The following PRRT1 variants were observed in gnomAD, a reference collection of about 807,000 sequenced individuals.
PRRT1 encodes proline-rich transmembrane protein 1.
A neutral mutation model predicts 22.6 loss-of-function variants in PRRT1; 8 were observed. The ratio of observed to expected loss-of-function variants is 0.35; its 90% CI spans 0.21 to 0.64. The LOEUF (loss-of-function observed/expected upper bound fraction) is 0.64, where lower values mean the gene tolerates loss of function less well. PRRT1 is among the 30% of genes least tolerant of loss of function. The pLI, the probability that PRRT1 is intolerant of heterozygous loss-of-function variation, is 0.69. For missense variants in PRRT1, 315 were observed against 444.5 expected, an observed-to-expected ratio of 0.71 and a Z score of 2.62; for synonymous variants, 176 against 203.6, an observed-to-expected ratio of 0.86 and a Z score of 1.15.
chr6:32,149,291 C>A lies in PRRT1; in HGVS notation c.852G>T (p.Val284=). Residue 284 remains valine (V), a synonymous_variant, in exon 4 of 4, where the codon GTG becomes GTT. Coordinates refer to ENST00000211413, the MANE Select transcript of PRRT1 (RefSeq NM_030651.4). The surrounding 1 kb of genome is among the most constrained non-coding windows in gnomAD (Gnocchi z 8.7). The part of the protein sequence containing the change: ...ISLAVGIAAM[V]LCTILTVVII... Reference sequence around the variant, plus strand: ...TGACTACGGTGAGGATGGTACAGAGCACCATGGCCGCGATGCCCACGGCCA... The same window carrying A: ...TGACTACGGTGAGGATGGTACAGAGAACCATGGCCGCGATGCCCACGGCCA... 1 of 1,611,326 alleles carries A rather than the reference C, an allele frequency of 6.2e-7. No homozygotes were observed.
chr6:32,149,360 G>A lies in PRRT1; in HGVS notation c.783C>T (p.Ala261=). Residue 261 remains alanine, a synonymous_variant, in exon 4 of 4, where the codon GCC becomes GCT. Transcript: ENST00000211413. The surrounding 1 kb of genome is among the most constrained non-coding windows in gnomAD (Gnocchi z 8.7). ...TALARGDMVS[A]EIASREARNF... ...TCCGGGCCTCGCGTGAAGCGATCTC[G>A]GCCGACACCATGTCTCCGCGGGCCA... is the stretch of plus-strand genomic sequence containing the variant. 6.2e-7 allele frequency: 1 copy of A among 1,605,130 alleles called. No homozygotes were observed. Among genetic ancestry groups the A allele is most frequent in the Non-Finnish European group, 8.5e-7 (1 of 1,174,568 alleles).
In PRRT1 at chr6:32,148,579, T is replaced by C; in HGVS notation, c.*643A>G. On this transcript the variant is annotated 3_prime_UTR_variant, in exon 4 of 4. Transcript: ENST00000211413. This position sits in a 1 kb window ranked among gnomAD's most constrained non-coding sequence, Gnocchi z 5.7. ...TTTCTTATCCCAGGGAGAAGGGTCC[T>C]ACACCAGGAACTTCCCAAATGTCCT... 2.9e-6 allele frequency: 1 copy of C among 349,370 alleles called. No homozygotes were observed. The highest frequency in any genetic ancestry group is 5.7e-6 in the Non-Finnish European group (1 of 175,794). 21.6% of individuals were successfully genotyped at this position (349,370 alleles called of 1,614,324 possible).
chr6:32,149,156 C>T lies in PRRT1; in HGVS notation c.*66G>A, dbSNP rs570706929. On this transcript the variant is annotated 3_prime_UTR_variant, in exon 4 of 4. Transcript: ENST00000211413. The surrounding 1 kb of genome is among the most constrained non-coding windows in gnomAD (Gnocchi z 8.7). ...GTGTGCAGGGCGCCCATTGGGTCCG[C>T]GGTATGACTGCAGAAAGAGCCTGGG... is the stretch of plus-strand genomic sequence containing the variant. 41 of 1,555,096 alleles carry T rather than the reference C, an allele frequency of 2.6e-5. No individual in the cohort carries two copies. In the South Asian group the frequency reaches 3.7e-4, roughly 14 times the overall value.
Position 32,149,793 on chromosome 6 carries a change from G to T in PRRT1, c.559-71C>A. On this transcript the variant is annotated intron_variant, in intron 2 of 3. Transcript: ENST00000211413. The surrounding 1 kb of genome is among the most constrained non-coding windows in gnomAD (Gnocchi z 8.7). ...CCCAGCCTACCAGCGTTGGGCGGCT[G>T]GCAGAGTGGCTTTAAAAGCACAATT... 1 of 1,037,460 alleles carries T rather than the reference G, an allele frequency of 9.6e-7. No homozygotes were observed. Among genetic ancestry groups the T allele is most frequent in the Non-Finnish European group, 1.4e-6 (1 of 732,592 alleles). The allele number at this position is 1,037,460 out of a possible 1,614,324, so 64.3% of individuals were successfully genotyped here. A position where few individuals can be genotyped will look rare whatever the true frequency, so the allele number is the denominator to read the frequency against.
In PRRT1 at chr6:32,149,300, C is replaced by T. The variant is rs774291180; in HGVS notation, c.843G>A (p.Ala281=). ...FSFISLAVGI[A]AMVLCTILTV... ...TGAGGATGGTACAGAGCACCATGGC[C>T]GCGATGCCCACGGCCAGGGAGATGA... The change falls in exon 4 of 4, where the codon GCG becomes GCA. Residue 281 remains alanine (A), a synonymous_variant. Coordinates refer to ENST00000211413, the MANE Select transcript of PRRT1 (RefSeq NM_030651.4). The surrounding 1 kb of genome is among the most constrained non-coding windows in gnomAD (Gnocchi z 8.7). 2.5e-6 allele frequency: 4 copies of T among 1,610,954 alleles called. No individual in the cohort carries two copies. The highest frequency in any genetic ancestry group is 2.5e-6 in the Non-Finnish European group (3 of 1,179,258).
In PRRT1 at chr6:32,150,489, A is replaced by C; in HGVS notation, c.437T>G (p.Phe146Cys). Residue 146 changes from phenylalanine to cysteine, a missense_variant, in exon 2 of 4, where the codon TTC becomes TGC. Transcript: ENST00000211413. The surrounding 1 kb of genome is among the most constrained non-coding windows in gnomAD (Gnocchi z 7.2). ...AGTCCCCGCGTGCGTGGGCACCACG[A>C]AGCCAGGGGCCTGGGCAGTCTGGGC... ...APAQTAQAPG[F>C]VVPTHAGTVG... is the part of the protein sequence containing the mutation. The C allele has an allele frequency of 6.8e-7, 1 of 1,479,886 alleles. No homozygotes were observed. The highest frequency in any genetic ancestry group is 8.9e-7 in the Non-Finnish European group (1 of 1,121,926). The allele number at this position is 1,479,886 out of a possible 1,614,324, so 91.7% of individuals were successfully genotyped here. A position where few individuals can be genotyped will look rare whatever the true frequency, so the allele number is the denominator to read the frequency against.
chr6:32,150,280 C>G lies in PRRT1; in HGVS notation c.558+88G>C, dbSNP rs981329928. ...CTACCTGTTCCCTGCCCTTGTTCCT[C>G]TATCCTACCAGCCCCCAGCGTATCC... On this transcript the variant is annotated intron_variant, in intron 2 of 3. Coordinates refer to ENST00000211413, the MANE Select transcript of PRRT1 (RefSeq NM_030651.4). This position sits in a 1 kb window ranked among gnomAD's most constrained non-coding sequence, Gnocchi z 7.2. 1.8e-5 allele frequency: 26 copies of G among 1,463,320 alleles called. No homozygotes were observed. Among genetic ancestry groups the G allele is most frequent in the Non-Finnish European group, 2.2e-5 (25 of 1,112,204 alleles). The allele number at this position is 1,463,320 out of a possible 1,614,324, so 90.6% of individuals were successfully genotyped here.
upstream of PRRT1, chr6:32,152,070 C>G (rs1291708282): frequency 4.3e-6 from 3 of 705,004 alleles, no homozygotes; most frequent in African/African-American, 1.8e-5. Flanking sequence ...TCTCTGCTCT[C>G]GGACCACCTC....
At chr6:32,151,764 T>C in intron 1 of PRRT1, 45 bp downstream of exon 1, 1 of 1,396,252 alleles carries the variant, frequency 7.2e-7, no homozygotes, top group South Asian at 1.2e-5. Flanking sequence ...GGACGGAGAG[T>C]CTGGAGACAG....
At position 32,149,390 on chromosome 6, in the gene PRRT1, C is replaced by T. The variant is rs752862540; in HGVS notation, c.753G>A (p.Thr251=). 19 of 1,599,166 alleles carry T rather than the reference C, an allele frequency of 1.2e-5. 1 individual carries two copies. The highest frequency in any genetic ancestry group is 1.0e-4 in the Admixed American group (6 of 59,396). The change falls in exon 4 of 4, where the codon ACG becomes ACA. Residue 251 remains threonine (T), a synonymous_variant. Coordinates refer to ENST00000211413, the MANE Select transcript of PRRT1 (RefSeq NM_030651.4). This position sits in a 1 kb window ranked among gnomAD's most constrained non-coding sequence, Gnocchi z 8.7. ...IAIFKAVQVR[T]ALARGDMVSA... Reference sequence around the variant, plus strand: ...ACACCATGTCTCCGCGGGCCAAGGCCGTGCGCACCTACGGAGGAGGGGTGG... The same window carrying T: ...ACACCATGTCTCCGCGGGCCAAGGCTGTGCGCACCTACGGAGGAGGGGTGG...
chr6:32,150,692 AGAG>A lies in PRRT1; in HGVS notation c.231_233del (p.Ser78del). ...GGTGGGGGGGCCTCGGCAGCGTGGCAGAGGAGGAGGGACCGCGCTGAGCGGTGG... is the reference window on the plus strand; with the variant it reads ...GGTGGGGGGGCCTCGGCAGCGTGGCAGAGGAGGGACCGCGCTGAGCGGTGG... On this transcript the variant is annotated inframe_deletion, in exon 2 of 4. Transcript: ENST00000211413. The surrounding 1 kb of genome is among the most constrained non-coding windows in gnomAD (Gnocchi z 7.2). The A allele has an allele frequency of 3.5e-6, 5 of 1,438,266 alleles. No homozygotes were observed. In the South Asian group the frequency reaches 4.5e-5, roughly 13 times the overall value. 89.1% of individuals were successfully genotyped at this position (1,438,266 alleles called of 1,614,324 possible).
rs192345287 is a variant in PRRT1, at chr6:32,149,587, T to C, written c.694A>G (p.Ile232Val). 5 of 1,613,016 alleles carry C rather than the reference T, an allele frequency of 3.1e-6. No individual in the cohort carries two copies. The African/African-American group carries it at 5.3e-5, about 17-fold the overall frequency. The change falls in exon 3 of 4, where the codon ATC (isoleucine) becomes GTC (valine). Residue 232 changes from isoleucine to valine, a missense_variant. Physicochemically the swap from Ile to Val is conservative, Grantham distance 29. Transcript: ENST00000211413. This position sits in a 1 kb window ranked among gnomAD's most constrained non-coding sequence, Gnocchi z 8.7. The stretch of plus-strand genomic sequence containing the variant: ...ATGCCAGTAGGCCAGAAGCAACAGA[T>C]GGTGGTCAGCACCGCGATGGGCATG... ...DYMPIAVLTT[I>V]CCFWPTGIIA...
intron 1 of PRRT1, chr6:32,151,318 C>T (rs1029889992): frequency 6.8e-6 from 3 of 443,958 alleles, no homozygotes; most frequent in Non-Finnish European, 1.2e-5. Context: ...TGTATAAACA[C>T]ATGTGGGATG....
rs1307680213 is a variant in PRRT1 at position 32,150,815 on chromosome 6, G to T, written c.111C>A (p.Ala37=). 6.3e-7 allele frequency: 1 copy of T among 1,575,554 alleles called. No individual in the cohort carries two copies. Among genetic ancestry groups the T allele is most frequent in the Non-Finnish European group, 8.6e-7 (1 of 1,162,230 alleles). ...AEPPAPPPQA[A]PSSHHHHHHH... ...GGTGGTGGTGATGGTGTGAGGAAGGGGCTGCCTGTGGCGGTGGGGCTGGGG... is the reference window on the plus strand; with the variant it reads ...GGTGGTGGTGATGGTGTGAGGAAGGTGCTGCCTGTGGCGGTGGGGCTGGGG... Residue 37 remains alanine, a synonymous_variant, in exon 2 of 4, where the codon GCC becomes GCA. Coordinates refer to ENST00000211413, the MANE Select transcript of PRRT1 (RefSeq NM_030651.4). This position sits in a 1 kb window ranked among gnomAD's most constrained non-coding sequence, Gnocchi z 7.2.
intron 1 of PRRT1, 116 bp from the exon 2 acceptor site, chr6:32,151,022 C>A: frequency 1.1e-6 from 1 of 872,570 alleles, no homozygotes; most frequent in Non-Finnish European, 1.8e-6. Context: ...GGGAGAGACA[C>A]ATAGAGAGAG....
At chr6:32,151,951 C>CGCGGGG, upstream of PRRT1, 8 of 214,876 alleles carry the variant, frequency 3.7e-5, no homozygotes, top group South Asian at 5.7e-5. Flanking sequence ...AAGGCAGCGG[C>CGCGGGG]GGGGGGGGGG....
At chr6:32,152,617 GACTTA>G (rs1398350602), upstream of PRRT1, among the ~76,000 whole-genome samples, 1 of 152,084 alleles carries the variant, frequency 6.6e-6, no homozygotes, top group African/African-American at 2.4e-5. Flanking sequence ...TAGGGGGTAT[GACTTA>G]ACTGCTCATT....
rs967812981 is a variant in PRRT1 at position 32,150,822 on chromosome 6, T to G, written c.104A>C (p.Gln35Pro). Reference protein sequence around the residue: ...PPAEPPAPPPQAAPSSHHHHH... With the variant: ...PPAEPPAPPPPAAPSSHHHHH... ...GTGATGGTGTGAGGAAGGGGCTGCC[T>G]GTGGCGGTGGGGCTGGGGGTTCGGC... Residue 35 changes from glutamine to proline, a missense_variant, in exon 2 of 4, where the codon CAG (glutamine) becomes CCG (proline). Gln to Pro is a moderately conservative substitution (Grantham distance 76). This residue lies in a region of PRRT1 where 263 missense variants were observed against 328.5 expected (regional missense o/e 0.80). Transcript: ENST00000211413. This position sits in a 1 kb window ranked among gnomAD's most constrained non-coding sequence, Gnocchi z 7.2. 6.4e-7 allele frequency: 1 copy of G among 1,574,648 alleles called. No homozygotes were observed. Among genetic ancestry groups the G allele is most frequent in the Non-Finnish European group, 8.6e-7 (1 of 1,161,330 alleles).
At chr6:32,151,993 A>AG (rs1484389719), upstream of PRRT1, 434 of 99,744 alleles carry the variant, frequency 4.4e-3, 6 homozygotes, top group East Asian at 0.066. Flanking sequence ...GAGAGCGGGG[A>AG]GGGGGGGAGC....
Sources: gnomAD v4.1 joint callset for allele counts (sites outside exome capture counted in the v4.1 genomes callset) on GRCh38, gnomAD v4.1.1 for gene constraint, gnomAD v4.1.1 regional missense constraint, Gnocchi (gnomAD v3.1) non-coding constraint, MANE v1.5 for transcripts, NCBI Gene and HGNC (gene_info 2026-07-23, HGNC 2026-07-21) for gene names.